CACNA1C: variants seen among roughly 807,000 people sequenced by gnomAD.
CACNA1C encodes calcium voltage-gated channel subunit alpha1 C.
CACNA1C carries 30 observed loss-of-function variants against 229.0 expected under a neutral mutation model. The ratio of observed to expected loss-of-function variants is 0.13; its 90% CI spans 0.10 to 0.18. The LOEUF (loss-of-function observed/expected upper bound fraction) is 0.18. Among genes scored for constraint, CACNA1C ranks in the 10% least tolerant of loss-of-function variants. CACNA1C has a pLI of 1.00. For synonymous variants in CACNA1C, 1,114 were observed against 1,132.5 expected (o/e 0.98, Z 0.33); for missense variants, 1,658 against 2,845.0 (o/e 0.58, Z 9.49).
At chr12:2,681,896 A>C in intron 42 of CACNA1C, 1 of 1,007,808 alleles carries the variant, frequency 9.9e-7, no homozygotes, top group Non-Finnish European at 1.6e-6. Context: ...CTCAGACAGG[A>C]AAAGGAAGAG....
intron 3 of CACNA1C, among the ~76,000 whole-genome samples, chr12:2,198,811 C>T (rs1324509922): frequency 1.3e-5 from 2 of 152,066 alleles, no homozygotes; most frequent in Non-Finnish European, 2.9e-5. Flanking sequence ...CAGAGAGAGG[C>T]ATAATAATCT....
intron 3 of CACNA1C, among the ~76,000 whole-genome samples, chr12:2,233,443 C>T (rs2066094031): frequency 6.6e-6 from 1 of 152,160 alleles, no homozygotes; most frequent in African/African-American, 2.4e-5. Context: ...ACTATAGTTT[C>T]TTTGATGGCG....
intron 9 of CACNA1C, among the ~76,000 whole-genome samples, chr12:2,540,536 C>T (rs568976391): frequency 6.6e-6 from 1 of 152,150 alleles, no homozygotes; most frequent in Non-Finnish European, 1.5e-5. Context: ...CACAGAGCCT[C>T]TACCGAAACT....
At chr12:2,182,131 CAAA>C (rs56365126) in intron 3 of CACNA1C, among the ~76,000 whole-genome samples, 7,775 of 86,576 alleles carry the variant, frequency 0.09, 346 homozygotes, top group East Asian at 0.36. Flanking sequence ...TTTCTGTCTG[CAAA>C]AAAAAAAAAA....
At chr12:2,662,385 T>G (rs1603418847) in intron 34 of CACNA1C, among the ~76,000 whole-genome samples, 1 of 152,240 alleles carries the variant, frequency 6.6e-6, no homozygotes, top group African/African-American at 2.4e-5. Context: ...TAGGATAGTT[T>G]AGCAAATATT....
intron 3 of CACNA1C, among the ~76,000 whole-genome samples, chr12:2,435,920 G>A (rs543189062): frequency 2.0e-5 from 3 of 152,332 alleles, no homozygotes; most frequent in East Asian, 1.9e-4. Context: ...GGACAGACTG[G>A]CCAGGAGGCT....
At chr12:2,563,576 A>G (rs2048638960) in intron 11 of CACNA1C, among the ~76,000 whole-genome samples, 1 of 152,226 alleles carries the variant, frequency 6.6e-6, no homozygotes, top group African/African-American at 2.4e-5. Context: ...GCAGTCCTGA[A>G]GAAAGAGTAC....
At chr12:2,485,014 C>G (rs893770479) in intron 5 of CACNA1C, among the ~76,000 whole-genome samples, 13 of 151,782 alleles carry the variant, frequency 8.6e-5, no homozygotes, top group African/African-American at 2.7e-4. Context: ...CAACAACGGC[C>G]TTGGGGTTTG....
At chr12:2,062,617 G>A (rs2057904454) in intron 1 of CACNA1C, among the ~76,000 whole-genome samples, 1 of 152,082 alleles carries the variant, frequency 6.6e-6, no homozygotes, top group Admixed American at 6.6e-5. Flanking sequence ...GTGGTACCCC[G>A]CCTCCCCTCC....
intron 3 of CACNA1C, among the ~76,000 whole-genome samples, chr12:2,274,508 C>T (rs1035574068): frequency 1.3e-5 from 2 of 152,192 alleles, no homozygotes; most frequent in African/African-American, 4.8e-5. Flanking sequence ...TCTGGTGAGA[C>T]TTGTGAGAGA....
At chr12:2,607,178 G>T in intron 26 of CACNA1C, 48 bp downstream of exon 26, 1 of 1,561,746 alleles carries the variant, frequency 6.4e-7, no homozygotes. Flanking sequence ...TCAAGGGCCA[G>T]TACTGACTTT....
chr12:2,651,867 T>G lies in CACNA1C; in HGVS notation c.4074+99T>G. On this transcript the variant is annotated intron_variant, in intron 32 of 46. Transcript: ENST00000399655. This position sits in a 1 kb window ranked among gnomAD's most constrained non-coding sequence, Gnocchi z 5.4. ...GGAGGAGCCCTCCACTCTGGGGCCC[T>G]GCTCCTTCCTCTGTGTGGCAGAACT... 2 of 918,836 alleles carry G rather than the reference T, an allele frequency of 2.2e-6. No homozygotes were observed. The highest frequency in any genetic ancestry group is 3.2e-6 in the Non-Finnish European group (2 of 621,870). 56.9% of individuals were successfully genotyped at this position (918,836 alleles called of 1,614,324 possible).
At chr12:2,362,236 G>A (rs1014107967) in intron 3 of CACNA1C, among the ~76,000 whole-genome samples, 3 of 152,184 alleles carry the variant, frequency 2.0e-5, no homozygotes, top group Non-Finnish European at 4.4e-5. Context: ...GACATCTCCA[G>A]TGTTGTAGCA....
chr12:2,511,067 G>A (rs1443641600), intron 8 of CACNA1C, among the ~76,000 whole-genome samples: 1 of 152,098 alleles, frequency 6.6e-6, no homozygotes, highest in African/African-American at 2.4e-5. Flanking sequence ...AAAAATGAAG[G>A]TACCCACTGG....
chr12:2,596,197 T>G (rs944858229), intron 20 of CACNA1C, 194 bp downstream of exon 20: 9 of 490,372 alleles, frequency 1.8e-5, no homozygotes, highest in Non-Finnish European at 2.5e-5. Context: ...TAAAAGAGCA[T>G]GTACCCAAAT....
At position 2,585,417 on chromosome 12, in the gene CACNA1C, C is replaced by A; in HGVS notation, c.2381C>A (p.Pro794Gln). The part of the protein sequence containing the change: ...PEKKQELVEK[P>Q]AVGESKEEKI... Reference sequence around the variant, plus strand: ...AAGAAACAAGAGTTGGTGGAGAAGCCGGCAGTGGGGGAATCCAAGGAGGAG... The same window carrying A: ...AAGAAACAAGAGTTGGTGGAGAAGCAGGCAGTGGGGGAATCCAAGGAGGAG... Residue 794 changes from proline (P) to glutamine (Q), a missense_variant, in exon 17 of 47, where the codon CCG becomes CAG. Transcript: ENST00000399655. The surrounding 1 kb of genome is among the most constrained non-coding windows in gnomAD (Gnocchi z 4.1). The A allele has an allele frequency of 6.2e-7, 1 of 1,611,406 alleles. No individual in the cohort carries two copies. The highest frequency in any genetic ancestry group is 8.5e-7 in the Non-Finnish European group (1 of 1,178,702).
chr12:2,314,433 C>T (rs2095586289), intron 3 of CACNA1C, among the ~76,000 whole-genome samples: 1 of 152,200 alleles, frequency 6.6e-6, no homozygotes, highest in South Asian at 2.1e-4. Flanking sequence ...ACCTCGTGCA[C>T]ACGGCTGTGT....
In CACNA1C at chr12:2,597,322, C is replaced by T. The variant is rs761100508; in HGVS notation, c.2853+33C>T. ...CCCCATCCCCTTCTGCTCCTCCTGT[C>T]CCCCTTGTGCCAGCACCAGGTCTCT... On this transcript the variant is annotated intron_variant, in intron 21 of 46. Coordinates refer to ENST00000399655, the MANE Select transcript of CACNA1C (RefSeq NM_000719.7). The surrounding 1 kb of genome is among the most constrained non-coding windows in gnomAD (Gnocchi z 4.3). The T allele has an allele frequency of 5.1e-6, 8 of 1,553,558 alleles. No homozygotes were observed. The highest frequency in any genetic ancestry group is 7.1e-6 in the Non-Finnish European group (8 of 1,125,052).
intron 3 of CACNA1C, among the ~76,000 whole-genome samples, chr12:2,256,891 G>T (rs1403507247): frequency 6.6e-6 from 1 of 152,122 alleles, no homozygotes; most frequent in African/African-American, 2.4e-5. Flanking sequence ...AATAGTAAAT[G>T]GATTAGTTAT....
Sources: gnomAD v4.1 joint callset for allele counts (sites outside exome capture counted in the v4.1 genomes callset) on GRCh38, gnomAD v4.1.1 for gene constraint, Gnocchi (gnomAD v3.1) non-coding constraint, MANE v1.5 for transcripts, NCBI Gene and HGNC (gene_info 2026-07-23, HGNC 2026-07-21) for gene names.